FAM81A: variants seen among roughly 807,000 people sequenced by gnomAD.
The protein encoded by FAM81A is protein FAM81A.
Under a neutral mutation model 46.7 loss-of-function variants are expected in FAM81A, and 19 were observed. That is an observed-to-expected ratio of 0.41 (90% CI 0.28 to 0.60). The LOEUF (loss-of-function observed/expected upper bound fraction) is 0.60. FAM81A is among the 20% of genes least tolerant of loss of function. FAM81A has a pLI of 0.34. For synonymous variants in FAM81A, 183 were observed against 152.9 expected (o/e 1.20, Z -1.45); for missense variants, 377 against 453.5 (o/e 0.83, Z 1.53).
chr15:59,472,613 T>G (rs2081709460), intron 3 of FAM81A, among the ~76,000 whole-genome samples: 1 of 151,934 alleles, frequency 6.6e-6, no homozygotes, highest in East Asian at 1.9e-4. Flanking sequence ...TGCAGTGGTA[T>G]GATCATAGCT....
Position 59,430,254 on chromosome 15 carries a change from CTTTTTTTTTTTTTT to C in FAM81A, c.-78+27911_-78+27924del, listed in dbSNP as rs5812977. Reference sequence around the variant, plus strand: ...GCACCAAATACACAGACCTATTTCCCTTTTTTTTTTTTTTTTTTTTTTTTTTTTGAGATGGAGTC... The same window carrying C: ...GCACCAAATACACAGACCTATTTCCCTTTTTTTTTTTTTTGAGATGGAGTC... On this transcript the variant is annotated intron_variant, in intron 2 of 4. Coordinates refer to the FAM81A transcript ENST00000558348. Among the ~76,000 whole-genome samples the C allele has an allele frequency of 5.1e-3, 444 of 87,480 alleles. 11 individuals are homozygous for C. Among genetic ancestry groups the C allele is most frequent in the Admixed American group, 0.045 (311 of 6,974 alleles). The allele number at this position is 87,480 out of a possible 152,430, so 57.4% of individuals were successfully genotyped here.
upstream of FAM81A, among the ~76,000 whole-genome samples, chr15:59,433,500 G>A (rs1309921433): frequency 2.0e-5 from 3 of 152,052 alleles, no homozygotes; most frequent in Non-Finnish European, 4.4e-5. Flanking sequence ...ACATTATTGC[G>A]AGATGGATTA....
chr15:59,445,586 CCTCT>C (rs1390487336), intron 1 of FAM81A: 1 of 152,164 alleles, frequency 6.6e-6, no homozygotes, highest in Non-Finnish European at 1.5e-5. Context: ...AGTCCAGCCT[CCTCT>C]CTCTGAGTGT....
intron 8 of FAM81A, 139 bp from the exon 9 acceptor site, chr15:59,521,115 C>A (rs1367230548): frequency 1.1e-6 from 1 of 914,400 alleles, no homozygotes; most frequent in East Asian, 3.0e-5. Context: ...CTCACCTGTT[C>A]CCCATCATAC....
chr15:59,471,055 T>A (rs1203763404), intron 3 of FAM81A, among the ~76,000 whole-genome samples: 1 of 152,172 alleles, frequency 6.6e-6, no homozygotes, highest in Non-Finnish European at 1.5e-5. Context: ...GCTCAAGTGA[T>A]CCTCCTGCCT....
intron 3 of FAM81A, among the ~76,000 whole-genome samples, chr15:59,485,271 CG>C (rs763940348): frequency 3.1e-4 from 47 of 152,260 alleles, no homozygotes; most frequent in Non-Finnish European, 5.7e-4. Context: ...AGTGAACATA[CG>C]GGTAGCCATG....
At chr15:59,454,337 T>C (rs1485125994) in intron 1 of FAM81A, among the ~76,000 whole-genome samples, 1 of 152,216 alleles carries the variant, frequency 6.6e-6, no homozygotes, top group Non-Finnish European at 1.5e-5. Context: ...CATTTTAATT[T>C]ATTAAATTCA....
intron 6 of FAM81A, among the ~76,000 whole-genome samples, chr15:59,513,988 A>T (rs1304450795): frequency 6.6e-6 from 1 of 151,874 alleles, no homozygotes; most frequent in African/African-American, 2.4e-5. Flanking sequence ...AGAAAACCAA[A>T]CACCACATGT....
At chr15:59,457,498 A>T (rs1182617039) in intron 1 of FAM81A, among the ~76,000 whole-genome samples, 1 of 152,208 alleles carries the variant, frequency 6.6e-6, no homozygotes, top group Non-Finnish European at 1.5e-5. Flanking sequence ...AATAGTATAT[A>T]TAGGCTTCGG....
intron 1 of FAM81A, chr15:59,401,427 A>G (rs927839538): frequency 1.7e-5 from 14 of 804,374 alleles, no homozygotes; most frequent in Non-Finnish European, 2.7e-5. Flanking sequence ...GGTAGGCAAA[A>G]GGTGACTTTC....
At chr15:59,519,682 T>G (rs2077066475) in intron 8 of FAM81A, among the ~76,000 whole-genome samples, 1 of 151,806 alleles carries the variant, frequency 6.6e-6, no homozygotes, top group Non-Finnish European at 1.5e-5. Context: ...TGTATCTGTC[T>G]TATTTCACTT....
chr15:59,427,098 GTTTTA>G (rs2081198213), intron 2 of FAM81A, among the ~76,000 whole-genome samples: 1 of 151,940 alleles, frequency 6.6e-6, no homozygotes, highest in Non-Finnish European at 1.5e-5. Context: ...CTACTTCTTG[GTTTTA>G]TTTTATTTTA....
chr15:59,518,816 T>A (rs1317465375), intron 8 of FAM81A, among the ~76,000 whole-genome samples: 2 of 152,064 alleles, frequency 1.3e-5, no homozygotes, highest in Non-Finnish European at 2.9e-5. Flanking sequence ...ATAAAAAAAA[T>A]TGTTGTGTAT....
intron 3 of FAM81A, among the ~76,000 whole-genome samples, chr15:59,489,342 T>C (rs1253334615): frequency 6.6e-6 from 1 of 150,496 alleles, no homozygotes; most frequent in Non-Finnish European, 1.5e-5. Flanking sequence ...TACCTGTGAA[T>C]TAACCAAAGA....
intron 3 of FAM81A, among the ~76,000 whole-genome samples, chr15:59,467,188 A>G (rs762837589): frequency 6.6e-6 from 1 of 152,132 alleles, no homozygotes. Flanking sequence ...TTGGCAATTC[A>G]GGCTCTTTTT....
intron 2 of FAM81A, among the ~76,000 whole-genome samples, chr15:59,428,894 G>T (rs1403833428): frequency 4.6e-5 from 7 of 152,120 alleles, no homozygotes; most frequent in African/African-American, 1.7e-4. Context: ...GCCTCTGAAA[G>T]TGCTGGGATT....
At chr15:59,470,983 C>T (rs1288760084) in intron 3 of FAM81A, among the ~76,000 whole-genome samples, 1 of 152,014 alleles carries the variant, frequency 6.6e-6, no homozygotes, top group Non-Finnish European at 1.5e-5. Flanking sequence ...CCACCACATC[C>T]AGCTAATTTT....
intron 6 of FAM81A, 65 bp downstream of exon 6, chr15:59,509,034 A>AT (rs1181697102): frequency 8.9e-6 from 11 of 1,236,926 alleles, no homozygotes; most frequent in African/African-American, 3.1e-5. Flanking sequence ...CAATACTATG[A>AT]TTTTTTTCCT....
At chr15:59,430,629 A>T (rs2081215943) in intron 2 of FAM81A, among the ~76,000 whole-genome samples, 1 of 152,188 alleles carries the variant, frequency 6.6e-6, no homozygotes, top group Non-Finnish European at 1.5e-5. Context: ...GGATTCAGAT[A>T]AATACAAAGT....
Sources: gnomAD v4.1 joint callset for allele counts (sites outside exome capture counted in the v4.1 genomes callset) on GRCh38, gnomAD v4.1.1 for gene constraint, MANE v1.5 for transcripts, NCBI Gene and HGNC (gene_info 2026-07-23, HGNC 2026-07-21) for gene names.